Variants in RPA3 observed in about 807,000 individuals in gnomAD.
RPA3 encodes replication protein A3.
RPA3 carries 24 observed loss-of-function variants against 13.7 expected under a neutral mutation model. The ratio of observed to expected loss-of-function variants is 1.75; its 90% CI spans 1.27 to 2.46. The LOEUF (loss-of-function observed/expected upper bound fraction) is 2.46. Among genes scored for constraint, RPA3 ranks in the 30% most tolerant of loss-of-function variants. RPA3 has a pLI of 0.00. For missense variants in RPA3, 183 were observed against 151.0 expected, an observed-to-expected ratio of 1.21 and a Z score of -1.11; for synonymous variants, 59 against 51.2, an observed-to-expected ratio of 1.15 and a Z score of -0.65.
At chr7:7,702,247 A>T (rs937886391) in intron 2 of RPA3, among the ~76,000 whole-genome samples, 1 of 152,236 alleles carries the variant, frequency 6.6e-6, no homozygotes, top group Non-Finnish European at 1.5e-5. Context: ...CTAAATCTTT[A>T]TTAAATAATT....
intron 7 of RPA3, among the ~76,000 whole-genome samples, 155 bp downstream of exon 7, chr7:7,637,709 T>C (rs1705593406): frequency 6.6e-6 from 1 of 151,638 alleles, no homozygotes; most frequent in Non-Finnish European, 1.5e-5. Flanking sequence ...TATAAAACTG[T>C]ATGTTATGTA....
chr7:7,672,733 G>A (rs28915985), intron 4 of RPA3, among the ~76,000 whole-genome samples: 8,686 of 152,224 alleles, frequency 0.057, 320 homozygotes, highest in Middle Eastern at 0.13. Flanking sequence ...ATGTGAAACT[G>A]TGAGTCAATT....
chr7:7,653,260 T>G (rs1362174626), intron 4 of RPA3, among the ~76,000 whole-genome samples: 1 of 152,230 alleles, frequency 6.6e-6, no homozygotes, highest in Non-Finnish European at 1.5e-5. Flanking sequence ...CAGTTATATT[T>G]GTAACTTTCC....
At chr7:7,655,650 A>G (rs1378819467) in intron 4 of RPA3, among the ~76,000 whole-genome samples, 1 of 152,186 alleles carries the variant, frequency 6.6e-6, no homozygotes, top group Non-Finnish European at 1.5e-5. Context: ...TTATTAACTC[A>G]TATAACTTCC....
intron 2 of RPA3, among the ~76,000 whole-genome samples, chr7:7,708,938 T>A (rs1428486931): frequency 6.6e-6 from 1 of 150,552 alleles, no homozygotes; most frequent in Non-Finnish European, 1.5e-5. Flanking sequence ...TGTGTGTGTG[T>A]GAGAGAGAGA....
chr7:7,707,450 A>ACATGT (rs1563141317), intron 2 of RPA3, among the ~76,000 whole-genome samples: 1 of 152,182 alleles, frequency 6.6e-6, no homozygotes, highest in Non-Finnish European at 1.5e-5. Flanking sequence ...AATCATTTAA[A>ACATGT]CATGTTGAAC....
intron 4 of RPA3, among the ~76,000 whole-genome samples, chr7:7,662,439 G>A (rs1785498001): frequency 6.6e-6 from 1 of 152,198 alleles, no homozygotes. Context: ...CAGGTCCGTG[G>A]TGGCATAGGC....
chr7:7,687,745 A>G (rs1373198170), intron 2 of RPA3, among the ~76,000 whole-genome samples: 1 of 152,252 alleles, frequency 6.6e-6, no homozygotes, highest in Non-Finnish European at 1.5e-5. Flanking sequence ...CTATACATAC[A>G]CACACATATT....
chr7:7,674,069 A>T (rs1779679142), intron 4 of RPA3, among the ~76,000 whole-genome samples: 2 of 152,190 alleles, frequency 1.3e-5, no homozygotes, highest in African/African-American at 4.8e-5. Flanking sequence ...TTTGCACAAC[A>T]TCTTTGTATG....
chr7:7,675,936 A>G (rs1482953882), intron 4 of RPA3, among the ~76,000 whole-genome samples: 3 of 151,986 alleles, frequency 2.0e-5, no homozygotes, highest in Non-Finnish European at 2.9e-5. Context: ...CCAGGTGCAA[A>G]GCTCCACCCC....
chr7:7,688,925 T>C (rs1312096360), intron 2 of RPA3, among the ~76,000 whole-genome samples: 1 of 152,190 alleles, frequency 6.6e-6, no homozygotes, highest in African/African-American at 2.4e-5. Flanking sequence ...AAAATAAGTC[T>C]TTGTTAACTT....
intron 2 of RPA3, among the ~76,000 whole-genome samples, chr7:7,712,277 T>G (rs1780784108): frequency 6.6e-6 from 1 of 152,188 alleles, no homozygotes; most frequent in Non-Finnish European, 1.5e-5. Context: ...TGTTGAAATT[T>G]TATTGAACAT....
chr7:7,677,298 T>C (rs1189127715), intron 4 of RPA3, among the ~76,000 whole-genome samples: 1 of 152,184 alleles, frequency 6.6e-6, no homozygotes, highest in Admixed American at 6.5e-5. Context: ...AATAAATTAT[T>C]GTTAACTATA....
At chr7:7,666,737 C>T (rs73048092) in intron 4 of RPA3, among the ~76,000 whole-genome samples, 2 of 152,058 alleles carry the variant, frequency 1.3e-5, no homozygotes, top group African/African-American at 2.4e-5. Context: ...CCTTTATATA[C>T]ATTATTTATC....
At chr7:7,654,918 AT>A (rs1266364884) in intron 4 of RPA3, among the ~76,000 whole-genome samples, 5 of 148,508 alleles carry the variant, frequency 3.4e-5, no homozygotes, top group Non-Finnish European at 3.0e-5. Flanking sequence ...AAAAAAAAAA[AT>A]TTGTGATATT....
rs549311978 is a variant in RPA3 at position 7,702,085 on chromosome 7, G to A, written c.-1028+13090C>T. On this transcript the variant is annotated intron_variant, in intron 2 of 7. Transcript: ENST00000223129. The stretch of plus-strand genomic sequence containing the variant: ...TCACATATAGTTGAATTTAATGTAA[G>A]GGATGTCAAGGTAGGGAAGTGATTA... Among the ~76,000 whole-genome samples the A allele has an allele frequency of 9.9e-5, 15 of 152,276 alleles. No homozygotes were observed. In the South Asian group the frequency reaches 2.5e-3, roughly 25 times the overall value.
At chr7:7,715,098 A>T (rs1249829665) in intron 2 of RPA3, 77 bp downstream of exon 2, 1 of 152,166 alleles carries the variant, frequency 6.6e-6, no homozygotes, top group African/African-American at 2.4e-5. Context: ...GTTTTACGAG[A>T]TGAACTCTGA....
chr7:7,685,761 T>A (rs1185744049), intron 4 of RPA3, 69 bp downstream of exon 4: 1 of 152,238 alleles, frequency 6.6e-6, no homozygotes, highest in African/African-American at 2.4e-5. Context: ...CTTTCACTCC[T>A]GATCTGAAAA....
chr7:7,694,056 C>G (rs192558768), intron 2 of RPA3, among the ~76,000 whole-genome samples: 28 of 152,170 alleles, frequency 1.8e-4, no homozygotes, highest in African/African-American at 6.7e-4. Context: ...GACACTTGAA[C>G]AAGAGCAAAG....
Sources: gnomAD v4.1 joint callset for allele counts (sites outside exome capture counted in the v4.1 genomes callset) on GRCh38, gnomAD v4.1.1 for gene constraint, MANE v1.5 for transcripts, NCBI Gene and HGNC (gene_info 2026-07-23, HGNC 2026-07-21) for gene names.